The following DCAF8L2 variants were observed in gnomAD, a reference collection of about 807,000 sequenced individuals.
The protein encoded by DCAF8L2 is DDB1- and CUL4-associated factor 8-like protein 2.
For missense variants in DCAF8L2, 430 were observed against 490.7 expected, an observed-to-expected ratio of 0.88 and a Z score of 1.17; for synonymous variants, 200 against 190.9, an observed-to-expected ratio of 1.05 and a Z score of -0.39.
At chrX:27,548,293 A>ATTTTT in the DCAF8L2 span, among the ~76,000 whole-genome samples, 2 of 111,512 alleles carry the variant, frequency 1.8e-5, no homozygotes, top group Non-Finnish European at 1.9e-5. Flanking sequence ...ATTGTAATAA[A>ATTTTT]GAGTTTTTTG....
chrX:27,654,126 C>T (rs1929259828), intron 2 of DCAF8L2, among the ~76,000 whole-genome samples: 1 of 111,046 alleles, frequency 9.0e-6, no homozygotes, highest in Non-Finnish European at 1.9e-5. Flanking sequence ...GTTCAAGAAC[C>T]TCCAGAGCTG....
intron 2 of DCAF8L2, among the ~76,000 whole-genome samples, chrX:27,669,784 C>T (rs940889925): frequency 1.8e-5 from 2 of 110,973 alleles, no homozygotes; most frequent in African/African-American, 6.6e-5. Flanking sequence ...TCATCCATGT[C>T]CCTACAAAGG....
chrX:27,536,510 A>G, the DCAF8L2 span, among the ~76,000 whole-genome samples: 1 of 112,759 alleles, frequency 8.9e-6, no homozygotes, highest in Non-Finnish European at 1.9e-5. Context: ...TGAAATGAAA[A>G]TAAAACTTTT....
the DCAF8L2 span, among the ~76,000 whole-genome samples, chrX:27,507,204 A>G: frequency 2.7e-5 from 3 of 112,096 alleles, no homozygotes; most frequent in Admixed American, 9.5e-5. Flanking sequence ...ATTCGCTAAA[A>G]TAACAGTTTC....
At chrX:27,692,929 C>G (rs1262467706) in intron 3 of DCAF8L2, among the ~76,000 whole-genome samples, 1 of 111,231 alleles carries the variant, frequency 9.0e-6, no homozygotes, top group Non-Finnish European at 1.9e-5. Context: ...AGTGCTGAAA[C>G]TGAGAAAGCT....
At chrX:27,583,946 TG>T in the DCAF8L2 span, among the ~76,000 whole-genome samples, 1 of 111,710 alleles carries the variant, frequency 9.0e-6, no homozygotes, top group Non-Finnish European at 1.9e-5. Flanking sequence ...TGTCCCTGTA[TG>T]TTAAGTATGG....
At chrX:27,559,030 G>A in the DCAF8L2 span, among the ~76,000 whole-genome samples, 1 of 110,682 alleles carries the variant, frequency 9.0e-6, no homozygotes, top group Non-Finnish European at 1.9e-5. Context: ...ATTAGATCAT[G>A]GATCTCTCCT....
the DCAF8L2 span, among the ~76,000 whole-genome samples, chrX:27,500,815 G>A: frequency 9.0e-6 from 1 of 111,714 alleles, no homozygotes; most frequent in Admixed American, 9.6e-5. Context: ...ATGTCCCATA[G>A]AAGCAAAAGA....
At chrX:27,620,339 A>G (rs1355845710) in intron 1 of DCAF8L2, among the ~76,000 whole-genome samples, 1 of 111,991 alleles carries the variant, frequency 8.9e-6, no homozygotes, top group Admixed American at 9.5e-5. Context: ...TATAATATCA[A>G]AAGGACAGGT....
At chrX:27,571,596 A>C in the DCAF8L2 span, among the ~76,000 whole-genome samples, 1 of 111,832 alleles carries the variant, frequency 8.9e-6, no homozygotes, top group African/African-American at 3.2e-5. Flanking sequence ...GCAGATATTG[A>C]AGAGGTCAAG....
chrX:27,551,121 C>A, the DCAF8L2 span, among the ~76,000 whole-genome samples: 1 of 109,191 alleles, frequency 9.2e-6, no homozygotes, highest in Admixed American at 1.0e-4. Context: ...ATCTCTCTTC[C>A]TCTGCTTGGG....
the DCAF8L2 span, among the ~76,000 whole-genome samples, chrX:27,533,160 GAGAGAGAAAGAA>G: frequency 1.9e-3 from 77 of 41,518 alleles, 2 homozygotes; most frequent in African/African-American, 4.1e-3. Context: ...GAGAGAGAGA[GAGAGAGAAAGAA>G]AGAAAGAAAG....
chrX:27,673,916 C>A (rs1242734516), intron 2 of DCAF8L2, among the ~76,000 whole-genome samples: 2 of 111,040 alleles, frequency 1.8e-5, no homozygotes, highest in Non-Finnish European at 3.8e-5. Context: ...ATTTGAAATA[C>A]CAGACCAGGC....
In DCAF8L2 at chrX:27,747,803, T is replaced by C; in HGVS notation, c.908T>C (p.Ile303Thr). 8.3e-7 allele frequency: 1 copy of C among 1,208,928 alleles called. No individual in the cohort carries two copies. The highest frequency in any genetic ancestry group is 1.1e-6 in the Non-Finnish European group (1 of 893,825). Residue 303 changes from isoleucine (I) to threonine (T), a missense_variant, in exon 5 of 5, where the codon ATT becomes ACT. By Grantham distance (89) the Ile-to-Thr change is moderately conservative. Transcript: ENST00000451261. The part of the protein sequence containing the change: ...RDGQVRVAEL[I>T]NASYFNNTKC... ...GGGCAGGTACGGGTAGCAGAGTTAATTAATGCATCATATTTCAACAATACT... is the reference window on the plus strand; with the variant it reads ...GGGCAGGTACGGGTAGCAGAGTTAACTAATGCATCATATTTCAACAATACT...
chrX:27,689,973 T>G (rs1393801833), intron 3 of DCAF8L2, among the ~76,000 whole-genome samples: 2 of 111,818 alleles, frequency 1.8e-5, no homozygotes, highest in Admixed American at 9.6e-5. Flanking sequence ...ATAGTCCTAT[T>G]CATGTTAAAA....
At chrX:27,688,012 CTAAA>C (rs1182033481) in intron 3 of DCAF8L2, among the ~76,000 whole-genome samples, 3 of 111,102 alleles carry the variant, frequency 2.7e-5, no homozygotes, top group African/African-American at 6.5e-5. Flanking sequence ...TATTAAATGG[CTAAA>C]TAAAGTTTTT....
intron 1 of DCAF8L2, among the ~76,000 whole-genome samples, chrX:27,630,975 C>T (rs1375999758): frequency 1.8e-5 from 2 of 111,362 alleles, no homozygotes; most frequent in African/African-American, 6.5e-5. Flanking sequence ...TCCCAAACAC[C>T]ACTCTTTCAA....
the DCAF8L2 span, among the ~76,000 whole-genome samples, chrX:27,491,193 T>C: frequency 8.9e-6 from 1 of 112,939 alleles, no homozygotes; most frequent in African/African-American, 3.2e-5. Context: ...TGTACTTTTT[T>C]GTTTTATTCT....
chrX:27,706,145 T>G (rs1931336502), intron 3 of DCAF8L2, among the ~76,000 whole-genome samples: 1 of 111,109 alleles, frequency 9.0e-6, no homozygotes, highest in African/African-American at 3.3e-5. Context: ...TCTGTTCCAT[T>G]GGTCTATTTG....
Sources: allele counts gnomAD v4.1 joint callset (sites outside exome capture counted in the v4.1 genomes callset), GRCh38; gene constraint gnomAD v4.1.1; transcripts MANE v1.5; gene names NCBI Gene and HGNC (gene_info 2026-07-23, HGNC 2026-07-21).